The following ATAD2B variants were observed in gnomAD, a reference collection of about 807,000 sequenced individuals.
The protein encoded by ATAD2B is ATPase family AAA domain containing 2B, also known as ATPase family AAA domain-containing protein 2B.
In ATAD2B, 40 loss-of-function variants were observed where a neutral mutation model predicts 167.6. The observed-to-expected ratio is 0.24, with a 90% CI of 0.19 to 0.31. The LOEUF is 0.31. Among genes scored for constraint, ATAD2B ranks in the 10% least tolerant of loss-of-function variants. ATAD2B has a pLI of 1.00. For synonymous variants in ATAD2B, 579 were observed against 596.5 expected, an observed-to-expected ratio of 0.97 and a Z score of 0.43; for missense variants, 1,242 against 1,757.2, an observed-to-expected ratio of 0.71 and a Z score of 5.24.
At chr2:23,857,111 C>T (rs776169753) in intron 13 of ATAD2B, among the ~76,000 whole-genome samples, 2 of 152,124 alleles carry the variant, frequency 1.3e-5, no homozygotes, top group South Asian at 2.1e-4. Context: ...GCAACGCATT[C>T]GGTCTCTCTA....
the ATAD2B span, among the ~76,000 whole-genome samples, chr2:23,740,739 T>C: frequency 6.6e-6 from 1 of 152,116 alleles, no homozygotes; most frequent in African/African-American, 2.4e-5. Flanking sequence ...GGGCATTCGA[T>C]TAGGAAAAGA....
At chr2:23,924,753 T>C (rs1265325997) in intron 1 of ATAD2B, among the ~76,000 whole-genome samples, 2 of 152,246 alleles carry the variant, frequency 1.3e-5, no homozygotes, top group Non-Finnish European at 2.9e-5. Context: ...AGTACCCTTC[T>C]ACAAAGAGCT....
intron 12 of ATAD2B, among the ~76,000 whole-genome samples, chr2:23,858,630 G>A (rs1376603479): frequency 6.6e-6 from 1 of 151,708 alleles, no homozygotes; most frequent in East Asian, 1.9e-4. Flanking sequence ...ACTACAGGCA[G>A]GGACCAACAC....
chr2:23,765,753 AT>A (rs1677321830), intron 22 of ATAD2B, 125 bp from the exon 23 acceptor site: 2 of 554,870 alleles, frequency 3.6e-6, no homozygotes, highest in East Asian at 7.0e-5. Flanking sequence ...GAAAAAGTTT[AT>A]TTAAAGTATG....
intron 19 of ATAD2B, among the ~76,000 whole-genome samples, chr2:23,796,563 G>T (rs533284288): frequency 2.6e-5 from 4 of 152,076 alleles, no homozygotes; most frequent in African/African-American, 9.7e-5. Context: ...AATTTTCAGG[G>T]AATATTCCCT....
At chr2:23,727,817 G>A in the ATAD2B span, among the ~76,000 whole-genome samples, 2 of 152,216 alleles carry the variant, frequency 1.3e-5, no homozygotes, top group South Asian at 2.1e-4. Flanking sequence ...ATCTGAAAAG[G>A]CTACATACTC....
the ATAD2B span, chr2:23,697,685 G>A: frequency 1.3e-5 from 2 of 152,152 alleles, no homozygotes; most frequent in African/African-American, 4.8e-5. Flanking sequence ...AGAGCCCAGA[G>A]ATGGCTCAGT....
At chr2:23,847,353 A>C (rs1408925716) in intron 13 of ATAD2B, among the ~76,000 whole-genome samples, 1 of 152,050 alleles carries the variant, frequency 6.6e-6, no homozygotes, top group East Asian at 1.9e-4. Flanking sequence ...AAAATGAAAA[A>C]ATTAGCCAGG....
chr2:23,839,705 C>T (rs2149795724), intron 13 of ATAD2B, among the ~76,000 whole-genome samples: 1 of 152,204 alleles, frequency 6.6e-6, no homozygotes, highest in South Asian at 2.1e-4. Flanking sequence ...TGAATTTTCT[C>T]ATACCAAGTT....
intron 22 of ATAD2B, among the ~76,000 whole-genome samples, chr2:23,775,623 C>T (rs565336556): frequency 2.6e-5 from 4 of 152,270 alleles, no homozygotes; most frequent in Non-Finnish European, 5.9e-5. Context: ...AAAAGAAAAA[C>T]ATGTAAATAC....
intron 4 of ATAD2B, 114 bp from the exon 5 acceptor site, chr2:23,885,943 T>C: frequency 1.6e-6 from 1 of 631,514 alleles, no homozygotes; most frequent in Non-Finnish European, 2.6e-6. Flanking sequence ...ACACAACTTT[T>C]TTTTCTTTTT....
the ATAD2B span, among the ~76,000 whole-genome samples, chr2:23,685,940 G>C: frequency 6.6e-6 from 1 of 152,242 alleles, no homozygotes; most frequent in Non-Finnish European, 1.5e-5. Flanking sequence ...AGTGCTGAGC[G>C]GCAGCCTAGT....
chr2:23,712,426 A>G, the ATAD2B span, among the ~76,000 whole-genome samples: 9 of 152,162 alleles, frequency 5.9e-5, no homozygotes, highest in African/African-American at 2.2e-4. Flanking sequence ...GAGTCCTCTC[A>G]CTGAGATGTG....
At chr2:23,896,119 C>T (rs1408810108) in intron 1 of ATAD2B, 149 bp from the exon 2 acceptor site, 1 of 418,822 alleles carries the variant, frequency 2.4e-6, no homozygotes. Flanking sequence ...AGTTCAAGAC[C>T]AGACTGGCCA....
Position 23,760,699 on chromosome 2 carries a change from T to TACACAC in ATAD2B, c.3394+1504_3394+1509dup, listed in dbSNP as rs1238984150. ...AAAAAAATAAATAAATTTATATATATACACACACACACACACACACACACA... is the reference window on the plus strand; with the variant it reads ...AAAAAAATAAATAAATTTATATATATACACACACACACACACACACACACACACACA... On this transcript the variant is annotated intron_variant, in intron 24 of 27. Coordinates refer to ENST00000238789, the MANE Select transcript of ATAD2B (RefSeq NM_017552.4). Among the ~76,000 whole-genome samples the TACACAC allele has an allele frequency of 5.1e-3, 631 of 123,668 alleles. 3 individuals carry two copies. Among genetic ancestry groups the TACACAC allele is most frequent in the South Asian group, 8.2e-3 (30 of 3,678 alleles). 81.1% of individuals were successfully genotyped at this position (123,668 alleles called of 152,430 possible).
At position 23,926,457 on chromosome 2, in the gene ATAD2B, C is replaced by A; in HGVS notation, c.216+98G>T. On this transcript the variant is annotated intron_variant, in intron 1 of 27. Coordinates refer to ENST00000238789, the MANE Select transcript of ATAD2B (RefSeq NM_017552.4). ...CCCTGTCTCCAGCCGCCCGAGCGGT[C>A]TCCACTGTAGGCTTCCTACCCCCAA... The A allele has an allele frequency of 2.1e-6, 3 of 1,453,462 alleles. No individual in the cohort carries two copies. The South Asian group carries it at 4.2e-5, about 20-fold the overall frequency. The allele number at this position is 1,453,462 out of a possible 1,614,324, so 90.0% of individuals were successfully genotyped here.
At chr2:23,777,501 T>C (rs936101228) in intron 22 of ATAD2B, among the ~76,000 whole-genome samples, 3 of 152,092 alleles carry the variant, frequency 2.0e-5, no homozygotes, top group Non-Finnish European at 4.4e-5. Context: ...GTGAGTTTGG[T>C]TGAAACAACT....
At position 23,757,621 on chromosome 2, in the gene ATAD2B, A is replaced by C; in HGVS notation, c.3875T>G (p.Val1292Gly). ...ATCTCCACTATCACAGAAAGAAACT[A>C]CTTCAAGCTTGCCATTCTGACATTC... ...VLECQNGKLE[V>G]VSFCDSGDKC... The change falls in exon 25 of 28, where the codon GTA becomes GGA. Residue 1292 changes from valine (V) to glycine (G), a missense_variant. Transcript: ENST00000238789. 1 of 1,613,868 alleles carries C rather than the reference A, an allele frequency of 6.2e-7. No homozygotes were observed. Among genetic ancestry groups the C allele is most frequent in the Non-Finnish European group, 8.5e-7 (1 of 1,179,756 alleles).
At position 23,827,802 on chromosome 2, in the gene ATAD2B, A is replaced by T. The variant is rs1688472796; in HGVS notation, c.1819+1047T>A. 2.6e-5 allele frequency: 4 copies of T among 152,762 alleles called. No individual in the cohort carries two copies. In the South Asian group the frequency reaches 8.3e-4, roughly 32 times the overall value. 9.5% of individuals were successfully genotyped at this position (152,762 alleles called of 1,614,324 possible). A position where few individuals can be genotyped will look rare whatever the true frequency, so the allele number is the denominator to read the frequency against. ...AGATTTACGTTTTCTCCTCACCAGAAGATGTCGAGGTCTTTGTGGTTCAAA... is the reference window on the plus strand; with the variant it reads ...AGATTTACGTTTTCTCCTCACCAGATGATGTCGAGGTCTTTGTGGTTCAAA... On this transcript the variant is annotated intron_variant, in intron 15 of 27. Transcript: ENST00000238789.
Sources: allele counts gnomAD v4.1 joint callset (sites outside exome capture counted in the v4.1 genomes callset), GRCh38; gene constraint gnomAD v4.1.1; transcripts MANE v1.5; gene names NCBI Gene and HGNC (gene_info 2026-07-23, HGNC 2026-07-21).